Variants in RARA observed in about 807,000 individuals in gnomAD.
RARA encodes retinoic acid receptor alpha.
In RARA, 5 loss-of-function variants were observed where a neutral mutation model predicts 42.8. The ratio of observed to expected loss-of-function variants is 0.12; its 90% CI spans 0.06 to 0.25. The LOEUF (loss-of-function observed/expected upper bound fraction) is 0.25, where lower values mean the gene tolerates loss of function less well. Among genes scored for constraint, RARA ranks in the 10% least tolerant of loss-of-function variants. RARA has a pLI of 1.00. For missense variants in RARA, 402 were observed against 628.7 expected, an observed-to-expected ratio of 0.64 and a Z score of 3.86; for synonymous variants, 256 against 259.5, an observed-to-expected ratio of 0.99 and a Z score of 0.13.
intron 1 of RARA, among the ~76,000 whole-genome samples, chr17:40,315,588 C>T (rs2033197062): frequency 6.6e-6 from 1 of 152,036 alleles, no homozygotes; most frequent in Non-Finnish European, 1.5e-5. Flanking sequence ...ACTCCCGCAC[C>T]ATGGTCTTGG....
intron 2 of RARA, chr17:40,342,453 C>T: frequency 8.2e-7 from 1 of 1,220,614 alleles, no homozygotes; most frequent in Non-Finnish European, 1.0e-6. Context: ...CGCCAGGCTT[C>T]CCTGGGAGAG....
rs887382604 is a variant in RARA, at chr17:40,352,053, C to T, written c.613C>T (p.Leu205=). The part of the protein sequence containing the change: ...HQETFPALCQ[L]GKYTTNNSSE... Reference sequence around the variant, plus strand: ...GGAAACCTTCCCTGCCCTCTGCCAGCTGGGCAAATACACTACGGTATGGCT... The same window carrying T: ...GGAAACCTTCCCTGCCCTCTGCCAGTTGGGCAAATACACTACGGTATGGCT... Residue 205 remains leucine, a synonymous_variant, in exon 5 of 9, where the codon CTG becomes TTG. Transcript: ENST00000254066. This position sits in a 1 kb window ranked among gnomAD's most constrained non-coding sequence, Gnocchi z 4.9. 2.5e-6 allele frequency: 4 copies of T among 1,578,120 alleles called. No individual in the cohort carries two copies. Among genetic ancestry groups the T allele is most frequent in the Non-Finnish European group, 3.4e-6 (4 of 1,169,078 alleles).
chr17:40,352,105 G>T lies in RARA; in HGVS notation c.630+35G>T. 1 of 1,520,894 alleles carries T rather than the reference G, an allele frequency of 6.6e-7. No individual in the cohort carries two copies. 94.2% of individuals were successfully genotyped at this position (1,520,894 alleles called of 1,614,324 possible). On this transcript the variant is annotated intron_variant, in intron 5 of 8. Coordinates refer to ENST00000254066, the MANE Select transcript of RARA (RefSeq NM_000964.4). This position sits in a 1 kb window ranked among gnomAD's most constrained non-coding sequence, Gnocchi z 4.9. ...TCCCCCGGCCTGCAGGGTGGGATTTGCCCAGGGCCACAGGGCCAGGATGGG... is the reference window on the plus strand; with the variant it reads ...TCCCCCGGCCTGCAGGGTGGGATTTTCCCAGGGCCACAGGGCCAGGATGGG...
intron 1 of RARA, among the ~76,000 whole-genome samples, chr17:40,315,094 T>TTATATGTA (rs2033166715): frequency 8.8e-6 from 1 of 113,580 alleles, no homozygotes; most frequent in Admixed American, 9.5e-5. Flanking sequence ...ATTGATTGGG[T>TTATATGTA]TATATGTATA....
chr17:40,341,584 G>A, intron 2 of RARA: 4 of 1,363,814 alleles, frequency 2.9e-6, no homozygotes, highest in Non-Finnish European at 3.8e-6. Flanking sequence ...CCCCGCGGGC[G>A]GGCTGGCGAG....
chr17:40,339,711 C>T (rs2033969718), intron 2 of RARA, among the ~76,000 whole-genome samples: 1 of 152,134 alleles, frequency 6.6e-6, no homozygotes, highest in Admixed American at 6.5e-5. Context: ...TATTTTTTAA[C>T]AACACTCATC....
rs2143519484 is a variant in RARA, at chr17:40,354,237, C to T, written c.808-65C>T. 2.0e-6 allele frequency: 3 copies of T among 1,501,866 alleles called. No individual in the cohort carries two copies. Among genetic ancestry groups the T allele is most frequent in the Non-Finnish European group, 2.8e-6 (3 of 1,089,662 alleles). The allele number at this position is 1,501,866 out of a possible 1,614,324, so 93.0% of individuals were successfully genotyped here. On this transcript the variant is annotated intron_variant, in intron 6 of 8. Transcript: ENST00000254066. This position sits in a 1 kb window ranked among gnomAD's most constrained non-coding sequence, Gnocchi z 4.5. The stretch of plus-strand genomic sequence containing the variant: ...CCTCCGGGAGTGCTGGTGCGGAGTG[C>T]TGGTGCCGAGTGCTCAGAGTGGGTT...
At position 40,356,145 on chromosome 17, in the gene RARA, C is replaced by A; in HGVS notation, c.1308C>A (p.Gly436=). The change falls in exon 9 of 9, where the codon GGC becomes GGA. Residue 436 remains glycine, a synonymous_variant. Coordinates refer to ENST00000254066, the MANE Select transcript of RARA (RefSeq NM_000964.4). ...QPGGGGRDGG[G]LAPPPGSCSP... is the part of the protein sequence containing the mutation. ...GGGGTGGGGGGCGGGACGGGGGTGGCCTGGCCCCCCCGCCAGGCAGCTGTA... is the reference window on the plus strand; with the variant it reads ...GGGGTGGGGGGCGGGACGGGGGTGGACTGGCCCCCCCGCCAGGCAGCTGTA... 1.3e-6 allele frequency: 2 copies of A among 1,553,656 alleles called. No homozygotes were observed. The highest frequency in any genetic ancestry group is 1.7e-6 in the Non-Finnish European group (2 of 1,148,812).
At chr17:40,313,123 G>T (rs2033128256) in intron 1 of RARA, among the ~76,000 whole-genome samples, 1 of 152,192 alleles carries the variant, frequency 6.6e-6, no homozygotes, top group African/African-American at 2.4e-5. Flanking sequence ...GAATGGAGCT[G>T]CTGGACAGGC....
chr17:40,352,286 G>A lies in RARA; in HGVS notation c.631-45G>A. On this transcript the variant is annotated intron_variant, in intron 5 of 8. Coordinates refer to ENST00000254066, the MANE Select transcript of RARA (RefSeq NM_000964.4). This position sits in a 1 kb window ranked among gnomAD's most constrained non-coding sequence, Gnocchi z 4.9. ...GTGGGGGCTGGAGCCAGGCTGAGAA[G>A]GGGTGCCATGGAGAAGAAGGCCCTC... is the stretch of plus-strand genomic sequence containing the variant. 1 of 1,554,864 alleles carries A rather than the reference G, an allele frequency of 6.4e-7. No homozygotes were observed. Among genetic ancestry groups the A allele is most frequent in the South Asian group, 1.2e-5 (1 of 81,740 alleles).
At chr17:40,340,359 G>A (rs141816622) in intron 2 of RARA, among the ~76,000 whole-genome samples, 70 of 152,176 alleles carry the variant, frequency 4.6e-4, no homozygotes, top group African/African-American at 1.6e-3. Flanking sequence ...GCTTTTCCTT[G>A]CATTTAGGAT....
chr17:40,315,105 T>A (rs2033168365), intron 1 of RARA, among the ~76,000 whole-genome samples: 1 of 138,250 alleles, frequency 7.2e-6, no homozygotes, highest in Admixed American at 7.4e-5. Context: ...TATATGTATA[T>A]ATATATATAT....
chr17:40,355,144 G>A lies in RARA; in HGVS notation c.1013-119G>A. ...GCAGAGACCCCATGCCCTGCCCTGT[G>A]TGGGGAGGCGCCTGCGAGCTGCCCT... On this transcript the variant is annotated intron_variant, in intron 7 of 8. Coordinates refer to ENST00000254066, the MANE Select transcript of RARA (RefSeq NM_000964.4). This position sits in a 1 kb window ranked among gnomAD's most constrained non-coding sequence, Gnocchi z 4.1. 1 of 1,277,416 alleles carries A rather than the reference G, an allele frequency of 7.8e-7. No homozygotes were observed. The highest frequency in any genetic ancestry group is 1.1e-6 in the Non-Finnish European group (1 of 944,226). The allele number at this position is 1,277,416 out of a possible 1,614,324, so 79.1% of individuals were successfully genotyped here. A position where few individuals can be genotyped will look rare whatever the true frequency, so the allele number is the denominator to read the frequency against.
At chr17:40,341,953 G>A in intron 2 of RARA, 2 of 1,140,014 alleles carry the variant, frequency 1.8e-6, no homozygotes, top group Non-Finnish European at 2.2e-6. Context: ...CCCCCTTCCT[G>A]CTTCTCTCCT....
chr17:40,356,577 G>C lies in RARA; in HGVS notation c.*351G>C, dbSNP rs1351706275. ...CATCACCAGCAAACGCCAGGACTTG[G>C]CTCCCCCATCCTCAGAACTCACAAG... On this transcript the variant is annotated 3_prime_UTR_variant, in exon 9 of 9. Transcript: ENST00000254066. 1 of 569,728 alleles carries C rather than the reference G, an allele frequency of 1.8e-6. No individual in the cohort carries two copies. The highest frequency in any genetic ancestry group is 1.8e-5 in the African/African-American group (1 of 55,104). The allele number at this position is 569,728 out of a possible 1,614,324, so 35.3% of individuals were successfully genotyped here.
chr17:40,341,579 CG>C, intron 2 of RARA: 2 of 1,364,464 alleles, frequency 1.5e-6, no homozygotes, highest in Non-Finnish European at 1.9e-6. Flanking sequence ...GCGAGCCCCG[CG>C]GGCGGGCTGG....
At chr17:40,314,062 A>G (rs1451487610) in intron 1 of RARA, among the ~76,000 whole-genome samples, 1 of 152,070 alleles carries the variant, frequency 6.6e-6, no homozygotes, top group East Asian at 1.9e-4. Context: ...GGCTGGTCTT[A>G]ACATGACAAA....
At chr17:40,349,544 G>A in intron 3 of RARA, 1 of 501,242 alleles carries the variant, frequency 2.0e-6, no homozygotes, top group Non-Finnish European at 3.6e-6. Context: ...GGTGTGTGCT[G>A]TGGGTTGGGG....
chr17:40,324,812 G>A (rs1438997449), intron 1 of RARA, among the ~76,000 whole-genome samples: 1 of 152,174 alleles, frequency 6.6e-6, no homozygotes, highest in African/African-American at 2.4e-5. Context: ...GGCCTGCACT[G>A]ACTAGGGCAG....
Sources: allele counts gnomAD v4.1 joint callset (sites outside exome capture counted in the v4.1 genomes callset), GRCh38; gene constraint gnomAD v4.1.1; non-coding constraint Gnocchi (gnomAD v3.1); transcripts MANE v1.5; gene names NCBI Gene and HGNC (gene_info 2026-07-23, HGNC 2026-07-21).